Variants in COL4A1 observed in about 807,000 individuals in gnomAD.
COL4A1 encodes collagen alpha-1(IV) chain.
Under a neutral mutation model 216.6 loss-of-function variants are expected in COL4A1, and 40 were observed. That is an observed-to-expected ratio of 0.18 (90% CI 0.14 to 0.24). The LOEUF is 0.24. Among genes scored for constraint, COL4A1 ranks in the 10% least tolerant of loss-of-function variants. COL4A1 has a pLI of 1.00. For synonymous variants in COL4A1, 839 were observed against 810.7 expected (o/e 1.03, Z -0.59); for missense variants, 1,628 against 2,196.8 (o/e 0.74, Z 5.18).
chr13:110,253,796 CGTATATATGTATAATTATACGTAT>C (rs1230730359), intron 1 of COL4A1, among the ~76,000 whole-genome samples: 12 of 69,812 alleles, frequency 1.7e-4, no homozygotes, highest in African/African-American at 4.2e-4. Context: ...TATAATTATA[CGTATATATGTATAATTATACGTAT>C]GTATGTATTA....
intron 22 of COL4A1, 31 bp downstream of exon 22, chr13:110,194,992 C>T (rs1179083631): frequency 6.3e-7 from 1 of 1,588,478 alleles, no homozygotes; most frequent in Non-Finnish European, 8.6e-7. Flanking sequence ...AAAGACACAA[C>T]CACCATTTTA....
Position 110,166,194 on chromosome 13 carries a change from C to CACCA in COL4A1, c.4021+34_4021+37dup, listed in dbSNP as rs1393238453. The CACCA allele has an allele frequency of 4.0e-6, 5 of 1,251,570 alleles. No homozygotes were observed. In the African/African-American group the frequency reaches 7.4e-5, roughly 18 times the overall value. The allele number at this position is 1,251,570 out of a possible 1,614,324, so 77.5% of individuals were successfully genotyped here. A position where few individuals can be genotyped will look rare whatever the true frequency, so the allele number is the denominator to read the frequency against. On this transcript the variant is annotated intron_variant, in intron 45 of 51. Transcript: ENST00000375820. ...TCCTGGCTTTTACATTTTCACAAAG[C>CACCA]ACCAGTAAGGTGTCCACAGATCAAC...
chr13:110,187,166 G>T lies in COL4A1; in HGVS notation c.1700C>A (p.Pro567Gln). The change falls in exon 25 of 52, where the codon CCG becomes CAG. Residue 567 changes from proline to glutamine, a missense_variant. Coordinates refer to ENST00000375820, the MANE Select transcript of COL4A1 (RefSeq NM_001845.6). ...CGAGCCCTTGGGGCCAGGAAGACCC[G>T]GATGGCCATCTCTTCCAGGAGAACC... is the stretch of plus-strand genomic sequence containing the variant. ...RAGSPGRDGH[P>Q]GLPGPKGSPG... The T allele has an allele frequency of 6.2e-7, 1 of 1,614,004 alleles. No homozygotes were observed. The highest frequency in any genetic ancestry group is 1.1e-5 in the South Asian group (1 of 91,074).
At chr13:110,174,359 G>T in intron 39 of COL4A1, 87 bp downstream of exon 39, 1 of 1,446,138 alleles carries the variant, frequency 6.9e-7, no homozygotes, top group Non-Finnish European at 9.6e-7. Flanking sequence ...CCTGCTCCCC[G>T]TCTGTGATGG....
intron 11 of COL4A1, 43 bp downstream of exon 11, chr13:110,209,349 C>T: frequency 6.3e-7 from 1 of 1,589,712 alleles, no homozygotes. Context: ...TCATGATAGC[C>T]TTATACTAAT....
At chr13:110,173,479 T>C (rs528905593) in intron 40 of COL4A1, among the ~76,000 whole-genome samples, 1 of 152,122 alleles carries the variant, frequency 6.6e-6, no homozygotes, top group South Asian at 2.1e-4. Context: ...AGCCCACCAG[T>C]GACAGGAGCA....
intron 2 of COL4A1, among the ~76,000 whole-genome samples, chr13:110,224,415 C>G (rs1190874956): frequency 6.6e-6 from 1 of 152,174 alleles, no homozygotes; most frequent in Non-Finnish European, 1.5e-5. Context: ...CTCCACCTCC[C>G]AGGTTCAAGC....
At chr13:110,274,232 C>T (rs1410988266) in intron 1 of COL4A1, among the ~76,000 whole-genome samples, 2 of 152,028 alleles carry the variant, frequency 1.3e-5, no homozygotes, top group Admixed American at 6.5e-5. Flanking sequence ...GATAGAAGTC[C>T]ATGGTTTTCT....
At chr13:110,154,370 G>T (rs1876663778) in intron 50 of COL4A1, among the ~76,000 whole-genome samples, 1 of 152,246 alleles carries the variant, frequency 6.6e-6, no homozygotes, top group African/African-American at 2.4e-5. Flanking sequence ...GGAAGCCCTG[G>T]GGCTAGGAGA....
At chr13:110,193,267 T>G (rs930013755) in intron 22 of COL4A1, among the ~76,000 whole-genome samples, 1 of 152,258 alleles carries the variant, frequency 6.6e-6, no homozygotes, top group Non-Finnish European at 1.5e-5. Flanking sequence ...GACTTGACTT[T>G]TGTAATTTGT....
intron 6 of COL4A1, 141 bp from the exon 7 acceptor site, chr13:110,212,063 A>G: frequency 1.1e-6 from 1 of 872,330 alleles, no homozygotes; most frequent in Non-Finnish European, 1.9e-6. Context: ...AAGCTGTGCT[A>G]CTGGGTACCA....
intron 2 of COL4A1, among the ~76,000 whole-genome samples, chr13:110,238,645 A>C (rs1881428458): frequency 6.6e-6 from 1 of 152,138 alleles, no homozygotes; most frequent in Non-Finnish European, 1.5e-5. Context: ...CTTGTTATTT[A>C]TGTACACCAG....
Position 110,268,383 on chromosome 13 carries a change from G to A in COL4A1, c.85-25649C>T, listed in dbSNP as rs1228981679. 6.6e-6 allele frequency among the ~76,000 whole-genome samples: 1 copy of A among 152,206 alleles called. No homozygotes were observed. Among genetic ancestry groups the A allele is most frequent in the Non-Finnish European group, 1.5e-5 (1 of 68,028 alleles). The stretch of plus-strand genomic sequence containing the variant: ...TGGGTGGGGAGGGGAGGGAAAGGGA[G>A]GTGAGTATGCAGAAGCCGGCATGGC... On this transcript the variant is annotated intron_variant, in intron 1 of 51. Transcript: ENST00000375820. This position sits in a 1 kb window ranked among gnomAD's most constrained non-coding sequence, Gnocchi z 4.1.
intron 32 of COL4A1, 28 bp downstream of exon 32, chr13:110,178,035 AT>A: frequency 6.2e-7 from 1 of 1,614,130 alleles, no homozygotes; most frequent in Non-Finnish European, 8.5e-7. Flanking sequence ...TTCATGATGG[AT>A]CCAGGCAGAA....
chr13:110,249,223 G>T (rs1881970974), intron 1 of COL4A1, among the ~76,000 whole-genome samples: 1 of 152,236 alleles, frequency 6.6e-6, no homozygotes, highest in African/African-American at 2.4e-5. Context: ...GGTTTCTGGG[G>T]TGCAGGAAAC....
chr13:110,195,292 C>T (rs1354356512), intron 21 of COL4A1, among the ~76,000 whole-genome samples, 174 bp from the exon 22 acceptor site: 1 of 152,312 alleles, frequency 6.6e-6, no homozygotes, highest in East Asian at 1.9e-4. Context: ...AACATAATCA[C>T]CACACACCAC....
At chr13:110,292,278 T>A (rs1280440902) in intron 1 of COL4A1, among the ~76,000 whole-genome samples, 1 of 152,210 alleles carries the variant, frequency 6.6e-6, no homozygotes, top group East Asian at 1.9e-4. Flanking sequence ...GAGAATGTGA[T>A]AAAAGTTCCA....
Position 110,271,859 on chromosome 13 carries a change from T to C in COL4A1, c.85-29125A>G, listed in dbSNP as rs147834032. Reference sequence around the variant, plus strand: ...ACATTTGGGGAATTTGGATGAAAGATATACGGGAATACTTTGGAACTTTTT... The same window carrying C: ...ACATTTGGGGAATTTGGATGAAAGACATACGGGAATACTTTGGAACTTTTT... On this transcript the variant is annotated intron_variant, in intron 1 of 51. Transcript: ENST00000375820. Among the ~76,000 whole-genome samples the C allele has an allele frequency of 2.4e-3, 373 of 152,362 alleles. 2 individuals carry two copies. The highest frequency in any genetic ancestry group is 8.8e-3 in the African/African-American group (366 of 41,580).
chr13:110,282,886 T>C (rs947248397), intron 1 of COL4A1, among the ~76,000 whole-genome samples: 2 of 152,240 alleles, frequency 1.3e-5, no homozygotes, highest in Admixed American at 6.5e-5. Flanking sequence ...TGGAATTCAA[T>C]TTTGTTCTTT....
Sources: gnomAD v4.1 joint callset for allele counts (sites outside exome capture counted in the v4.1 genomes callset) on GRCh38, gnomAD v4.1.1 for gene constraint, Gnocchi (gnomAD v3.1) non-coding constraint, MANE v1.5 for transcripts, NCBI Gene and HGNC (gene_info 2026-07-23, HGNC 2026-07-21) for gene names.